The following LRIF1 variants were observed in gnomAD, a reference collection of about 807,000 sequenced individuals.
LRIF1 encodes the protein ligand-dependent nuclear receptor-interacting factor 1.
Under a neutral mutation model 52.7 loss-of-function variants are expected in LRIF1, and 32 were observed. The observed-to-expected ratio is 0.61, with a 90% confidence interval of 0.46 to 0.82. The LOEUF is 0.82. LRIF1 is among the 40% of genes least tolerant of loss of function. LRIF1 has a pLI of 0.00. For synonymous variants in LRIF1, 323 were observed against 317.4 expected (o/e 1.02, Z -0.19); for missense variants, 887 against 892.0 (o/e 0.99, Z 0.07).
At chr1:110,949,149 C>T (rs183934921) in intron 3 of LRIF1, among the ~76,000 whole-genome samples, 111 of 151,714 alleles carry the variant, frequency 7.3e-4, no homozygotes, top group South Asian at 5.8e-3. Flanking sequence ...GACAGAGTTT[C>T]GTTCTGTTGC....
chr1:110,898,237 C>T, the LRIF1 span, among the ~76,000 whole-genome samples: 8 of 151,986 alleles, frequency 5.3e-5, no homozygotes, highest in Non-Finnish European at 7.4e-5. Context: ...ATTAACCAGA[C>T]GTAGTGGCAG....
chr1:110,885,561 CA>C, the LRIF1 span, among the ~76,000 whole-genome samples: 2 of 146,604 alleles, frequency 1.4e-5, no homozygotes, highest in Admixed American at 6.8e-5. Context: ...CAAACAACAA[CA>C]ACAAAAAAAG....
chr1:110,935,977 G>T, the LRIF1 span, among the ~76,000 whole-genome samples: 1 of 151,908 alleles, frequency 6.6e-6, no homozygotes, highest in Non-Finnish European at 1.5e-5. Context: ...ACATACAATG[G>T]AGCTCCGATA....
At chr1:110,905,288 A>G in the LRIF1 span, among the ~76,000 whole-genome samples, 1 of 152,316 alleles carries the variant, frequency 6.6e-6, no homozygotes, top group Non-Finnish European at 1.5e-5. Flanking sequence ...TAAGAAGGTT[A>G]TAGAGCACCA....
At chr1:110,944,888 A>G (rs1658166413), downstream of LRIF1, 1 of 148,234 alleles carries the variant, frequency 6.7e-6, no homozygotes, top group African/African-American at 2.5e-5. Context: ...GGAAAGCTCA[A>G]GGTTGCTGTT....
chr1:110,878,796 C>T, the LRIF1 span, among the ~76,000 whole-genome samples: 1 of 152,130 alleles, frequency 6.6e-6, no homozygotes, highest in Admixed American at 6.5e-5. Context: ...TCCAACATGT[C>T]TTAACAGAGT....
At position 110,963,613 on chromosome 1, in the gene LRIF1, G is replaced by C; in HGVS notation, c.68+8C>G. The C allele has an allele frequency of 3.1e-6, 5 of 1,607,454 alleles. 1 individual carries two copies. The South Asian group carries it at 5.5e-5, about 18-fold the overall frequency. On this transcript the variant is annotated splice_region_variant and intron_variant, in intron 1 of 3. Transcript: ENST00000369763. Reference sequence around the variant, plus strand: ...CAGCCGTGGGGAGGATTCGAAACCGGTACTTACCAACGCGAGGCGTTGCCT... The same window carrying C: ...CAGCCGTGGGGAGGATTCGAAACCGCTACTTACCAACGCGAGGCGTTGCCT...
At position 110,948,221 on chromosome 1, in the gene LRIF1, C is replaced by G. The variant is rs980598758; in HGVS notation, c.2048G>C (p.Ser683Thr). The G allele has an allele frequency of 3.7e-6, 6 of 1,613,936 alleles. No individual in the cohort carries two copies. Among genetic ancestry groups the G allele is most frequent in the Middle Eastern group, 1.6e-4 (1 of 6,082 alleles). ...CTTTTCTTGTCTGGTTTTGCTGTGACTCGTGAGAATGTTATGTTGTGACAC... is the reference window on the plus strand; with the variant it reads ...CTTTTCTTGTCTGGTTTTGCTGTGAGTCGTGAGAATGTTATGTTGTGACAC... Reference protein sequence around the residue: ...SDVSQHNILTSHSKTRQEKRT... With the variant: ...SDVSQHNILTTHSKTRQEKRT... The change falls in exon 4 of 4, where the codon AGT (serine) becomes ACT (threonine). Residue 683 changes from serine to threonine, a missense_variant. Transcript: ENST00000369763.
At chr1:110,915,819 A>G in the LRIF1 span, among the ~76,000 whole-genome samples, 1 of 152,234 alleles carries the variant, frequency 6.6e-6, no homozygotes, top group African/African-American at 2.4e-5. Flanking sequence ...AGGGTAAAAA[A>G]TTTAAAAAAT....
At chr1:110,885,157 C>T in the LRIF1 span, among the ~76,000 whole-genome samples, 1 of 152,118 alleles carries the variant, frequency 6.6e-6, no homozygotes, top group Non-Finnish European at 1.5e-5. Flanking sequence ...TTTCTCCCTT[C>T]CCAGTCTCTA....
the LRIF1 span, chr1:110,937,313 A>G: frequency 6.6e-6 from 1 of 152,142 alleles, no homozygotes; most frequent in Admixed American, 6.5e-5. Flanking sequence ...TCTCAAGGAT[A>G]TACCATATTT....
At chr1:110,950,235 G>T in intron 2 of LRIF1, 112 bp from the exon 3 acceptor site, 1 of 1,318,552 alleles carries the variant, frequency 7.6e-7, no homozygotes, top group Non-Finnish European at 1.0e-6. Context: ...CATGCTTTAT[G>T]ATTGGTTTGT....
chr1:110,916,672 A>G, the LRIF1 span, among the ~76,000 whole-genome samples: 6 of 152,122 alleles, frequency 3.9e-5, no homozygotes, highest in African/African-American at 1.4e-4. Context: ...AAATTCCAAT[A>G]TATGCTCTTT....
At chr1:110,876,251 A>T in the LRIF1 span, among the ~76,000 whole-genome samples, 5 of 152,158 alleles carry the variant, frequency 3.3e-5, no homozygotes, top group Non-Finnish European at 7.4e-5. Flanking sequence ...AGTTATTCAG[A>T]ATGTCTTCTG....
the LRIF1 span, among the ~76,000 whole-genome samples, chr1:110,876,035 C>A: frequency 1.3e-5 from 2 of 152,150 alleles, no homozygotes; most frequent in Non-Finnish European, 2.9e-5. Flanking sequence ...ATGACACAAG[C>A]ATACATTTTT....
chr1:110,888,388 C>G, the LRIF1 span, among the ~76,000 whole-genome samples: 2 of 152,162 alleles, frequency 1.3e-5, no homozygotes, highest in East Asian at 3.8e-4. Context: ...GCCAGGCTCT[C>G]CCTCTATGCT....
rs556155715 is a variant in LRIF1, at chr1:110,948,757, G to C, written c.1870-358C>G. ...AGGCACATATGGAGGATTTTCATTC[G>C]AAAAGGTTTACTAGTCTCTGATCTA... On this transcript the variant is annotated intron_variant, in intron 3 of 3. Coordinates refer to ENST00000369763, the MANE Select transcript of LRIF1 (RefSeq NM_018372.4). Among the ~76,000 whole-genome samples the C allele has an allele frequency of 1.4e-4, 22 of 152,172 alleles. No homozygotes were observed. In the South Asian group the frequency reaches 4.6e-3, roughly 32 times the overall value.
downstream of LRIF1, chr1:110,943,843 C>T (rs935363230): frequency 2.0e-5 from 3 of 152,174 alleles, no homozygotes; most frequent in African/African-American, 7.2e-5. Flanking sequence ...GTTCAACCAT[C>T]ATCTTTGAGG....
chr1:110,943,607 T>C (rs1658138218), downstream of LRIF1: 1 of 152,142 alleles, frequency 6.6e-6, no homozygotes, highest in South Asian at 2.1e-4. Flanking sequence ...ACTAAAATCA[T>C]TTTTTTAAAA....
Sources: gnomAD v4.1 joint callset for allele counts (sites outside exome capture counted in the v4.1 genomes callset) on GRCh38, gnomAD v4.1.1 for gene constraint, MANE v1.5 for transcripts, NCBI Gene and HGNC (gene_info 2026-07-23, HGNC 2026-07-21) for gene names.